LIN9: variants seen among roughly 807,000 people sequenced by gnomAD.
LIN9 encodes the protein lin-9 DREAM MuvB core complex component.
In LIN9, 18 loss-of-function variants were observed where a neutral mutation model predicts 78.0. The observed-to-expected ratio is 0.23, with a 90% CI of 0.16 to 0.34. LIN9 has a LOEUF of 0.34. LIN9 is among the 10% of genes least tolerant of loss of function. The pLI is 1.00. For missense variants in LIN9, 451 were observed against 644.1 expected, an observed-to-expected ratio of 0.70 and a Z score of 3.25; for synonymous variants, 192 against 215.2, an observed-to-expected ratio of 0.89 and a Z score of 0.94.
intron 4 of LIN9, among the ~76,000 whole-genome samples, chr1:226,294,074 G>A (rs1661965673): frequency 6.6e-6 from 1 of 152,056 alleles, no homozygotes. Context: ...TTAGGAGGCT[G>A]AGGTGAGTGG....
rs1347253317 is a variant in LIN9 at position 226,295,905 on chromosome 1, T to C, written c.201A>G (p.Glu67=). ...ACCTTGTATTTATTTGCCTATCATC[T>C]TCATCAGAAAAAAGTCGACTTCGTT... is the stretch of plus-strand genomic sequence containing the variant. ...NSKRSRLFSD[E]DDRQINTRSP... Residue 67 remains glutamate, a synonymous_variant, in exon 4 of 15, where the codon GAA becomes GAG. Coordinates refer to ENST00000681046, the MANE Select transcript of LIN9 (RefSeq NM_001366245.2). 6.2e-7 allele frequency: 1 copy of C among 1,613,444 alleles called. No homozygotes were observed. The highest frequency in any genetic ancestry group is 8.5e-7 in the Non-Finnish European group (1 of 1,179,770).
At chr1:226,264,057 C>T (rs950753447) in intron 10 of LIN9, among the ~76,000 whole-genome samples, 9 of 152,000 alleles carry the variant, frequency 5.9e-5, no homozygotes, top group African/African-American at 1.7e-4. Context: ...GCCTGGACAA[C>T]AGAGCAAGAC....
chr1:226,308,985 CCA>C (rs1323920048), intron 1 of LIN9, 122 bp downstream of exon 1: 2 of 970,844 alleles, frequency 2.1e-6, no homozygotes, highest in African/African-American at 3.4e-5. Flanking sequence ...GACTAGGGGA[CCA>C]CAGTGGGGCT....
At position 226,266,322 on chromosome 1, in the gene LIN9, G is replaced by C; in HGVS notation, c.827C>G (p.Pro276Arg). The C allele has an allele frequency of 6.3e-7, 1 of 1,589,818 alleles. No individual in the cohort carries two copies. Among genetic ancestry groups the C allele is most frequent in the Non-Finnish European group, 8.6e-7 (1 of 1,166,486 alleles). Residue 276 changes from proline to arginine, a missense_variant, in exon 9 of 15, where the codon CCT becomes CGT. By Grantham distance (103) the Pro-to-Arg change is moderately radical. Transcript: ENST00000681046. ...GGCAGCAATTGGCATTGTCTCATGA[G>C]GTTCATTACTCTGAGAAAACAGAAT... ...IPDYEVLSNE[P>R]HETMPIAAFG...
chr1:226,287,805 A>AT lies in LIN9; in HGVS notation c.265-9dup, dbSNP rs751467838. 1.3e-6 allele frequency: 2 copies of AT among 1,532,474 alleles called. No individual in the cohort carries two copies. The highest frequency in any genetic ancestry group is 2.5e-5 in the East Asian group (1 of 39,876). 94.9% of individuals were successfully genotyped at this position (1,532,474 alleles called of 1,614,324 possible). On this transcript the variant is annotated splice_polypyrimidine_tract_variant and intron_variant, in intron 4 of 14. Coordinates refer to ENST00000681046, the MANE Select transcript of LIN9 (RefSeq NM_001366245.2). ...CATTGTTGCTGTAAATTTCTATACA[A>AT]TAAAAAAAAGAGATTAATTTATGGC... is the stretch of plus-strand genomic sequence containing the variant.
At chr1:226,309,717 C>T (rs1215435191), upstream of LIN9, 3 of 1,287,710 alleles carry the variant, frequency 2.3e-6, no homozygotes, top group African/African-American at 4.6e-5. Context: ...TCGCGACGTC[C>T]GGGACTCGGT....
intron 4 of LIN9, among the ~76,000 whole-genome samples, chr1:226,294,604 G>A (rs1393056709): frequency 1.3e-5 from 2 of 151,542 alleles, no homozygotes; most frequent in Non-Finnish European, 2.9e-5. Flanking sequence ...AAAACCTAAT[G>A]CTAAATTCTT....
At chr1:226,261,424 A>G (rs1232962269) in intron 10 of LIN9, among the ~76,000 whole-genome samples, 1 of 152,188 alleles carries the variant, frequency 6.6e-6, no homozygotes, top group Non-Finnish European at 1.5e-5. Context: ...TGGAACTAAT[A>G]AGTGACTACA....
intron 11 of LIN9, among the ~76,000 whole-genome samples, chr1:226,241,387 TAATCAA>T (rs977042148): frequency 6.6e-6 from 1 of 152,170 alleles, no homozygotes; most frequent in African/African-American, 2.4e-5. Context: ...CAGAACTAGT[TAATCAA>T]AATCAAAATC....
chr1:226,303,783 T>C (rs1342927540), intron 1 of LIN9, among the ~76,000 whole-genome samples: 1 of 152,172 alleles, frequency 6.6e-6, no homozygotes, highest in Non-Finnish European at 1.5e-5. Flanking sequence ...ATTTTTGTAT[T>C]TTTAGTAGAG....
At chr1:226,283,102 T>C (rs1219728306) in intron 6 of LIN9, among the ~76,000 whole-genome samples, 1 of 151,874 alleles carries the variant, frequency 6.6e-6, no homozygotes, top group Non-Finnish European at 1.5e-5. Flanking sequence ...ATCACAGTCA[T>C]GTGTCACCCA....
chr1:226,294,318 C>T (rs913722591), intron 4 of LIN9, among the ~76,000 whole-genome samples: 1 of 150,744 alleles, frequency 6.6e-6, no homozygotes. Flanking sequence ...CAGTGGCTCA[C>T]GCCTGTAATC....
In LIN9 at chr1:226,265,930, G is replaced by C. The variant is rs928209146; in HGVS notation, c.936+283C>G. Among the ~76,000 whole-genome samples the C allele has an allele frequency of 6.6e-6, 1 of 152,112 alleles. No homozygotes were observed. Among genetic ancestry groups the C allele is most frequent in the African/African-American group, 2.4e-5 (1 of 41,420 alleles). On this transcript the variant is annotated intron_variant, in intron 9 of 14. Transcript: ENST00000681046. This position sits in a 1 kb window ranked among gnomAD's most constrained non-coding sequence, Gnocchi z 4.1. ...CTGACCTCGTGATCCGCCTGCCTCA[G>C]CCTCCCAAAGTGCTGGGATTACAGG...
chr1:226,262,136 CACAA>C (rs1232656849), intron 10 of LIN9, among the ~76,000 whole-genome samples: 1 of 152,118 alleles, frequency 6.6e-6, no homozygotes, highest in African/African-American at 2.4e-5. Flanking sequence ...CAAAGGGAAT[CACAA>C]ACATAGATGT....
chr1:226,286,888 A>G (rs2102626851), intron 5 of LIN9, among the ~76,000 whole-genome samples: 1 of 152,338 alleles, frequency 6.6e-6, no homozygotes, highest in South Asian at 2.1e-4. Context: ...ATCCCAGAAG[A>G]ACTCAGATTA....
chr1:226,300,181 GC>G (rs1558208739), intron 2 of LIN9, among the ~76,000 whole-genome samples: 1 of 151,948 alleles, frequency 6.6e-6, no homozygotes, highest in East Asian at 2.0e-4. Context: ...CAAGTGGTCC[GC>G]CTGCCTCAGC....
chr1:226,273,700 C>G, intron 7 of LIN9, among the ~76,000 whole-genome samples: 1 of 152,128 alleles, frequency 6.6e-6, no homozygotes, highest in Admixed American at 6.5e-5. Flanking sequence ...GGCCCTATCC[C>G]AGACCTTCTG....
intron 2 of LIN9, among the ~76,000 whole-genome samples, chr1:226,299,995 G>A (rs1412063619): frequency 6.6e-6 from 1 of 151,402 alleles, no homozygotes; most frequent in Non-Finnish European, 1.5e-5. Context: ...CTGGAGTGTG[G>A]TGGCGCGATC....
intron 11 of LIN9, among the ~76,000 whole-genome samples, chr1:226,243,905 TG>T (rs1487097999): frequency 1.3e-5 from 2 of 151,112 alleles, no homozygotes; most frequent in African/African-American, 4.8e-5. Flanking sequence ...GATGGAGTCT[TG>T]CTCTGTCGCC....
Sources: gnomAD v4.1 joint callset for allele counts (sites outside exome capture counted in the v4.1 genomes callset) on GRCh38, gnomAD v4.1.1 for gene constraint, Gnocchi (gnomAD v3.1) non-coding constraint, MANE v1.5 for transcripts, NCBI Gene and HGNC (gene_info 2026-07-23, HGNC 2026-07-21) for gene names.